The following MYO18A variants were observed in gnomAD, a reference collection of about 807,000 sequenced individuals.
MYO18A encodes the protein myosin XVIIIA, also known as unconventional myosin-XVIIIa.
Under a neutral mutation model 235.8 loss-of-function variants are expected in MYO18A, and 78 were observed. The observed-to-expected ratio is 0.33, with a 90% CI of 0.28 to 0.40. The LOEUF (loss-of-function observed/expected upper bound fraction) is 0.40. Ranked by LOEUF, MYO18A falls within the 10% of genes least tolerant of loss-of-function variation. MYO18A has a pLI of 1.00. For missense variants in MYO18A, 2,215 were observed against 2,699.3 expected (o/e 0.82, Z 3.98); for synonymous variants, 977 against 1,077.8 (o/e 0.91, Z 1.83).
At chr17:29,129,796 T>G (rs1202534913) in intron 2 of MYO18A, among the ~76,000 whole-genome samples, 5 of 152,216 alleles carry the variant, frequency 3.3e-5, no homozygotes, top group Non-Finnish European at 7.4e-5. Context: ...GCCAAGGGCC[T>G]TAATCTAGGC....
chr17:29,163,101 G>A (rs2068208855), intron 2 of MYO18A, among the ~76,000 whole-genome samples: 1 of 152,228 alleles, frequency 6.6e-6, no homozygotes, highest in African/African-American at 2.4e-5. Context: ...ATGGCAGGGT[G>A]GCCAGCAAGA....
chr17:29,132,487 C>T (rs1487814062), intron 2 of MYO18A, among the ~76,000 whole-genome samples: 2 of 152,232 alleles, frequency 1.3e-5, no homozygotes. Flanking sequence ...CCTCAGCGTG[C>T]CTCTCCTTCC....
intron 20 of MYO18A, among the ~76,000 whole-genome samples, chr17:29,104,372 T>C (rs1326297321): frequency 1.3e-5 from 2 of 152,182 alleles, no homozygotes; most frequent in East Asian, 1.9e-4. Flanking sequence ...GGATAGGGTA[T>C]GTAAGGAGGA....
Position 29,115,795 on chromosome 17 carries a change from G to A in MYO18A, c.2096C>T (p.Ala699Val), listed in dbSNP as rs775954892. The A allele has an allele frequency of 2.5e-6, 4 of 1,590,774 alleles. No individual in the cohort carries two copies. Among genetic ancestry groups the A allele is most frequent in the African/African-American group, 2.7e-5 (2 of 74,490 alleles). ...FARHEWAQKA[A>V]YLLGCSLEEL... The stretch of plus-strand genomic sequence containing the variant: ...CTCCAGGCTGCAGCCCAGTAGGTAC[G>A]CAGCCTTCTGGGCCCACTCATGGCG... The change falls in exon 12 of 42, where the codon GCG (alanine) becomes GTG (valine). Residue 699 changes from alanine to valine, a missense_variant. Ala to Val is a moderately conservative substitution (Grantham distance 64). Transcript: ENST00000527372.
At chr17:29,142,890 C>T (rs1385704702) in intron 2 of MYO18A, among the ~76,000 whole-genome samples, 2 of 152,258 alleles carry the variant, frequency 1.3e-5, no homozygotes, top group Non-Finnish European at 2.9e-5. Context: ...TCACTGCAAC[C>T]TCCGCCTCCC....
At chr17:29,107,895 G>A in intron 19 of MYO18A, among the ~76,000 whole-genome samples, 1 of 141,200 alleles carries the variant, frequency 7.1e-6, no homozygotes, top group Admixed American at 7.3e-5. Flanking sequence ...CAGCCTGGGA[G>A]ACAGAGCAAG....
chr17:29,130,314 A>AG (rs2067433381), intron 2 of MYO18A, among the ~76,000 whole-genome samples: 2 of 151,256 alleles, frequency 1.3e-5, no homozygotes, highest in East Asian at 1.9e-4. Context: ...AAAAAAAAAA[A>AG]AAAAAAAAAG....
intron 38 of MYO18A, 129 bp from the exon 39 acceptor site, chr17:29,086,706 CT>C (rs1268736374): frequency 5.4e-6 from 7 of 1,304,050 alleles, no homozygotes; most frequent in African/African-American, 4.5e-5. Flanking sequence ...CTGCCAGAGC[CT>C]TTTCCGCTCT....
At position 29,073,077 on chromosome 17, in the gene MYO18A, A is replaced by G. The variant is rs574253884; in HGVS notation, c.*1693T>C. ...TGAGAAGGGCTTGAATCCAAAAAGA[A>G]AGAGAATGAAAGAAAGAAAGAGAGA... On this transcript the variant is annotated 3_prime_UTR_variant, in exon 42 of 42. Transcript: ENST00000527372. The G allele has an allele frequency of 6.3e-5, 9 of 143,602 alleles. No homozygotes were observed. The highest frequency in any genetic ancestry group is 2.2e-4 in the African/African-American group (8 of 36,802). The allele number at this position is 143,602 out of a possible 1,614,324, so 8.9% of individuals were successfully genotyped here. A position where few individuals can be genotyped will look rare whatever the true frequency, so the allele number is the denominator to read the frequency against.
chr17:29,093,440 G>T lies in MYO18A; in HGVS notation c.4822-13C>A. ...CCATCTGTTTTAACTGGAGTACCAT[G>T]GGGACAGAGACCCGTCCGTCCCTTT... On this transcript the variant is annotated splice_polypyrimidine_tract_variant and intron_variant, in intron 31 of 41. Coordinates refer to ENST00000527372, the MANE Select transcript of MYO18A (RefSeq NM_078471.4). The T allele has an allele frequency of 6.2e-7, 1 of 1,600,580 alleles. No homozygotes were observed. The highest frequency in any genetic ancestry group is 8.5e-7 in the Non-Finnish European group (1 of 1,172,990).
chr17:29,073,692 G>T lies in MYO18A; in HGVS notation c.*1078C>A, dbSNP rs1316843813. The T allele has an allele frequency of 3.9e-6, 3 of 759,686 alleles. No individual in the cohort carries two copies. Among genetic ancestry groups the T allele is most frequent in the East Asian group, 5.1e-5 (2 of 39,482 alleles). 47.1% of individuals were successfully genotyped at this position (759,686 alleles called of 1,614,324 possible). ...TTCTCAGGGATAACCTTTTTAGGGT[G>T]GGGGCTGGGACCTCCAGACCACATG... On this transcript the variant is annotated 3_prime_UTR_variant, in exon 42 of 42. Coordinates refer to ENST00000527372, the MANE Select transcript of MYO18A (RefSeq NM_078471.4).
intron 2 of MYO18A, among the ~76,000 whole-genome samples, chr17:29,156,956 G>A (rs905667392): frequency 6.6e-6 from 1 of 152,198 alleles, no homozygotes; most frequent in African/African-American, 2.4e-5. Flanking sequence ...GCTGTGCTCC[G>A]CCACTGTTTT....
intron 41 of MYO18A, chr17:29,080,538 T>TGTC (rs1461303875): frequency 1.0e-6 from 1 of 985,864 alleles, no homozygotes; most frequent in East Asian, 1.1e-4. Flanking sequence ...AAGGGCTGAG[T>TGTC]GTCCTGGAGA....
chr17:29,100,616 G>A (rs148834249), intron 21 of MYO18A, among the ~76,000 whole-genome samples: 8 of 152,350 alleles, frequency 5.3e-5, no homozygotes, highest in East Asian at 1.9e-4. Flanking sequence ...TGTGTGAAAC[G>A]GGAAGGGTCG....
Position 29,074,647 on chromosome 17 carries a change from C to T in MYO18A, c.*123G>A. On this transcript the variant is annotated 3_prime_UTR_variant, in exon 42 of 42. Transcript: ENST00000527372. This position sits in a 1 kb window ranked among gnomAD's most constrained non-coding sequence, Gnocchi z 4.4. ...GAAAGTGCCCCTGACAGAAGAAGGT[C>T]AGGGTGTTTCCCATGCAGATCAGCA... 1 of 1,079,198 alleles carries T rather than the reference C, an allele frequency of 9.3e-7. No homozygotes were observed. The highest frequency in any genetic ancestry group is 1.4e-6 in the Non-Finnish European group (1 of 721,484). 66.9% of individuals were successfully genotyped at this position (1,079,198 alleles called of 1,614,324 possible).
rs912830485 is a variant in MYO18A, at chr17:29,141,889, C to T, written c.1000-19636G>A. ...CTGATGCCTGGAGCCCACCCTTTCC[C>T]TCTCAGTTTCTGACATAATTGGTCT... is the stretch of plus-strand genomic sequence containing the variant. On this transcript the variant is annotated intron_variant, in intron 2 of 41. Transcript: ENST00000527372. 3.3e-5 allele frequency among the ~76,000 whole-genome samples: 5 copies of T among 152,256 alleles called. No homozygotes were observed. The East Asian group carries it at 7.7e-4, about 23-fold the overall frequency.
chr17:29,085,107 A>G (rs2066220592), intron 40 of MYO18A, among the ~76,000 whole-genome samples: 1 of 152,226 alleles, frequency 6.6e-6, no homozygotes, highest in African/African-American at 2.4e-5. Flanking sequence ...AAACTGGGAG[A>G]TGCCCCTCAC....
intron 2 of MYO18A, among the ~76,000 whole-genome samples, chr17:29,156,505 C>T (rs1302283378): frequency 6.6e-6 from 1 of 152,162 alleles, no homozygotes; most frequent in African/African-American, 2.4e-5. Flanking sequence ...GGAGATGGGA[C>T]ACGCTAAGGT....
chr17:29,142,089 C>T (rs1436485588), intron 2 of MYO18A, among the ~76,000 whole-genome samples: 1 of 152,170 alleles, frequency 6.6e-6, no homozygotes, highest in Admixed American at 6.5e-5. Context: ...GGACTACAGG[C>T]GCCTGCCACC....
Sources: allele counts gnomAD v4.1 joint callset (sites outside exome capture counted in the v4.1 genomes callset), GRCh38; gene constraint gnomAD v4.1.1; non-coding constraint Gnocchi (gnomAD v3.1); transcripts MANE v1.5; gene names NCBI Gene and HGNC (gene_info 2026-07-23, HGNC 2026-07-21).